TCF12: variants seen among roughly 807,000 people sequenced by gnomAD.
TCF12 encodes the protein DNA-binding protein HTF4.
In TCF12, 45 loss-of-function variants were observed where a neutral mutation model predicts 86.0. The observed-to-expected ratio is 0.52, with a 90% CI of 0.41 to 0.67. The LOEUF is 0.67. Ranked by LOEUF, TCF12 falls within the 30% of genes least tolerant of loss-of-function variation. TCF12 has a pLI of 0.00. For synonymous variants in TCF12, 330 were observed against 299.6 expected, an observed-to-expected ratio of 1.10 and a Z score of -1.05; for missense variants, 881 against 859.9, an observed-to-expected ratio of 1.02 and a Z score of -0.31.
intron 3 of TCF12, among the ~76,000 whole-genome samples, chr15:56,930,931 C>CGT (rs1330280173): frequency 2.0e-5 from 3 of 152,128 alleles, no homozygotes; most frequent in African/African-American, 7.2e-5. Flanking sequence ...TGATTTGTAG[C>CGT]GTGTGACATA....
At chr15:56,938,102 A>C (rs770612760) in intron 3 of TCF12, among the ~76,000 whole-genome samples, 6 of 66,624 alleles carry the variant, frequency 9.0e-5, no homozygotes, top group Admixed American at 1.8e-4. Context: ...TTTTGCATCT[A>C]TGTTCATCAG....
rs2061999304 is a variant in TCF12 at position 57,288,356 on chromosome 15, T to C, written c.*2211T>C. The C allele has an allele frequency of 6.6e-6, 1 of 152,668 alleles. No individual in the cohort carries two copies. Among genetic ancestry groups the C allele is most frequent in the Admixed American group, 6.5e-5 (1 of 15,284 alleles). 9.5% of individuals were successfully genotyped at this position (152,668 alleles called of 1,614,324 possible). Reference sequence around the variant, plus strand: ...TTCTCCAGTTTCCATTGTTGGTTTATTGCAGATTTGTATCCTGTGTCAAAT... The same window carrying C: ...TTCTCCAGTTTCCATTGTTGGTTTACTGCAGATTTGTATCCTGTGTCAAAT... On this transcript the variant is annotated 3_prime_UTR_variant, in exon 21 of 21. Coordinates refer to ENST00000333725, the MANE Select transcript of TCF12 (RefSeq NM_207037.2).
chr15:57,214,697 T>G (rs753800984), intron 8 of TCF12, among the ~76,000 whole-genome samples: 11 of 152,210 alleles, frequency 7.2e-5, no homozygotes, highest in African/African-American at 9.6e-5. Flanking sequence ...GATATCCAAA[T>G]AAGTTATTTA....
At chr15:57,265,804 A>G (rs747472594) in intron 18 of TCF12, among the ~76,000 whole-genome samples, 1 of 152,194 alleles carries the variant, frequency 6.6e-6, no homozygotes, top group Non-Finnish European at 1.5e-5. Context: ...CTTTTATACA[A>G]CTGGCAGCAC....
rs2058314588 is a variant in TCF12, at chr15:57,215,931, G to A, written c.580-15221G>A. 2.0e-5 allele frequency among the ~76,000 whole-genome samples: 3 copies of A among 152,080 alleles called. 1 individual carries two copies. Among genetic ancestry groups the A allele is most frequent in the South Asian group, 4.1e-4 (2 of 4,832 alleles). The stretch of plus-strand genomic sequence containing the variant: ...TTCCCAATCAACAGAAAAGTAAGAT[G>A]GAAGAGGGAAATTTTGCCTGGAAGC... On this transcript the variant is annotated intron_variant, in intron 8 of 20. Transcript: ENST00000333725.
intron 5 of TCF12, among the ~76,000 whole-genome samples, chr15:57,149,465 G>GT (rs2053592233): frequency 6.6e-6 from 1 of 152,198 alleles, no homozygotes; most frequent in Admixed American, 6.5e-5. Context: ...TGTGTAGTTA[G>GT]TACAGGAGAT....
At chr15:56,966,787 T>C (rs1244272895) in intron 3 of TCF12, among the ~76,000 whole-genome samples, 1 of 152,210 alleles carries the variant, frequency 6.6e-6, no homozygotes, top group African/African-American at 2.4e-5. Flanking sequence ...TAATTATAAA[T>C]TAAGGTATCA....
rs139530756 is a variant in TCF12 at position 57,225,220 on chromosome 15, C to CTTTTTTTTTTT, written c.580-5911_580-5901dup. Among the ~76,000 whole-genome samples, 2 of 39,770 alleles carry CTTTTTTTTTTT rather than the reference C, an allele frequency of 5.0e-5. 1 individual carries two copies. Among genetic ancestry groups the CTTTTTTTTTTT allele is most frequent in the African/African-American group, 2.1e-4 (2 of 9,654 alleles). The allele number at this position is 39,770 out of a possible 152,430, so 26.1% of individuals were successfully genotyped here. ...TTACCATTTAGGTTACTGATATATG[C>CTTTTTTTTTTT]TTTTTTTTTTTTTTTTTTTTTTTTT... On this transcript the variant is annotated intron_variant, in intron 8 of 20. Transcript: ENST00000333725.
intron 3 of TCF12, among the ~76,000 whole-genome samples, chr15:56,921,411 A>G (rs1466940180): frequency 6.6e-6 from 1 of 151,944 alleles, no homozygotes; most frequent in Non-Finnish European, 1.5e-5. Flanking sequence ...TCCAGATTAC[A>G]TTATGATAAT....
intron 3 of TCF12, among the ~76,000 whole-genome samples, chr15:56,999,012 C>T (rs889137069): frequency 3.3e-5 from 5 of 151,896 alleles, no homozygotes; most frequent in East Asian, 1.9e-4. Context: ...TCCTGGTTAA[C>T]GTGGTGAAAC....
chr15:56,966,268 G>T (rs2061996913), intron 3 of TCF12, among the ~76,000 whole-genome samples: 1 of 152,050 alleles, frequency 6.6e-6, no homozygotes, highest in African/African-American at 2.4e-5. Flanking sequence ...AAAAAGCTAG[G>T]TTTTGCCATT....
intron 4 of TCF12, among the ~76,000 whole-genome samples, chr15:57,068,008 C>G (rs887279311): frequency 6.6e-6 from 1 of 152,088 alleles, no homozygotes; most frequent in African/African-American, 2.4e-5. Context: ...TGTTCTTGTT[C>G]ACTAAGGTGT....
chr15:57,147,446 C>G (rs2053434932), intron 5 of TCF12, among the ~76,000 whole-genome samples: 1 of 152,010 alleles, frequency 6.6e-6, no homozygotes, highest in South Asian at 2.1e-4. Flanking sequence ...TAAATTAATC[C>G]TGCTTATCTG....
chr15:56,977,586 GACAC>G (rs543244368), intron 3 of TCF12, among the ~76,000 whole-genome samples: 6 of 147,840 alleles, frequency 4.1e-5, no homozygotes, highest in South Asian at 2.2e-4. Flanking sequence ...GAGAGAGAGA[GACAC>G]ACACACACAG....
chr15:57,248,380 G>C (rs1468260737), intron 13 of TCF12, among the ~76,000 whole-genome samples: 1 of 152,196 alleles, frequency 6.6e-6, no homozygotes, highest in African/African-American at 2.4e-5. Flanking sequence ...GAATGGCTTT[G>C]TTTACTACAG....
intron 16 of TCF12, among the ~76,000 whole-genome samples, chr15:57,254,947 G>A (rs2060282225): frequency 6.6e-6 from 1 of 151,532 alleles, no homozygotes. Context: ...AATTTTAATG[G>A]TATAATAAAA....
At chr15:57,188,693 T>C (rs1295145667) in intron 6 of TCF12, among the ~76,000 whole-genome samples, 1 of 152,190 alleles carries the variant, frequency 6.6e-6, no homozygotes, top group African/African-American at 2.4e-5. Context: ...AATAGGGAAA[T>C]AGTATTATCT....
At chr15:57,119,027 G>GTCATGACT (rs2051035622) in intron 5 of TCF12, among the ~76,000 whole-genome samples, 1 of 152,022 alleles carries the variant, frequency 6.6e-6, no homozygotes, top group Non-Finnish European at 1.5e-5. Flanking sequence ...CATGTACTGT[G>GTCATGACT]ATAGGTTAGT....
chr15:57,103,964 C>A (rs2733197), intron 5 of TCF12, among the ~76,000 whole-genome samples: 1 of 152,040 alleles, frequency 6.6e-6, no homozygotes, highest in African/African-American at 2.4e-5. Flanking sequence ...ACCAAAATCA[C>A]GCCACTGCAT....
Sources: gnomAD v4.1 joint callset for allele counts (sites outside exome capture counted in the v4.1 genomes callset) on GRCh38, gnomAD v4.1.1 for gene constraint, MANE v1.5 for transcripts, NCBI Gene and HGNC (gene_info 2026-07-23, HGNC 2026-07-21) for gene names.